Variants in ADCK1 observed in about 807,000 individuals in gnomAD.
ADCK1 encodes the protein aarF domain-containing protein kinase 1.
ADCK1 carries 41 observed loss-of-function variants against 52.3 expected under a neutral mutation model. The ratio of observed to expected loss-of-function variants is 0.78; its 90% CI spans 0.61 to 1.02. ADCK1 has a LOEUF of 1.02. Among genes scored for constraint, ADCK1 ranks in the 50% least tolerant of loss-of-function variants. ADCK1 has a pLI of 0.00. For missense variants in ADCK1, 658 were observed against 679.5 expected (o/e 0.97, Z 0.35); for synonymous variants, 250 against 274.6 (o/e 0.91, Z 0.89).
intron 7 of ADCK1, among the ~76,000 whole-genome samples, chr14:77,913,897 G>T (rs2083855497): frequency 6.7e-6 from 1 of 150,014 alleles, no homozygotes; most frequent in African/African-American, 2.5e-5. Flanking sequence ...TCATTATGTG[G>T]ACTTAGGTTC....
chr14:77,815,795 G>A (rs964486449), intron 1 of ADCK1, among the ~76,000 whole-genome samples: 1 of 147,962 alleles, frequency 6.8e-6, no homozygotes, highest in Admixed American at 6.8e-5. Context: ...GGGATTACAG[G>A]TGTGAGCCAC....
chr14:77,815,192 G>A (rs1036533308), intron 1 of ADCK1, among the ~76,000 whole-genome samples: 2 of 121,814 alleles, frequency 1.6e-5, no homozygotes, highest in Non-Finnish European at 3.4e-5. Flanking sequence ...TTAAAATTTT[G>A]TTTTGTCTTT....
intron 7 of ADCK1, among the ~76,000 whole-genome samples, chr14:77,910,210 G>A (rs1436082809): frequency 6.6e-6 from 1 of 152,174 alleles, no homozygotes; most frequent in Admixed American, 6.5e-5. Context: ...CAATGCGTGA[G>A]CTGCCTATTG....
rs374158105 is a variant in ADCK1, at chr14:77,844,141, T to C, written c.220-14935T>C. On this transcript the variant is annotated intron_variant, in intron 3 of 10. Coordinates refer to ENST00000238561, the MANE Select transcript of ADCK1 (RefSeq NM_020421.4). ...GGAGTGCAGTGATGTGATCTCCCCT[T>C]ACTGCAACCTCTGCCTGGAGGTTCA... Among the ~76,000 whole-genome samples, 11 of 152,100 alleles carry C rather than the reference T, an allele frequency of 7.2e-5. No homozygotes were observed. The East Asian group carries it at 1.3e-3, about 19-fold the overall frequency.
intron 3 of ADCK1, among the ~76,000 whole-genome samples, chr14:77,857,737 C>G (rs1038488497): frequency 6.6e-6 from 1 of 152,170 alleles, no homozygotes; most frequent in Non-Finnish European, 1.5e-5. Flanking sequence ...TATTTAACTC[C>G]TCGCATGATT....
rs755812312 is a variant in ADCK1, at chr14:77,899,199, A to T, written c.682A>T (p.Asn228Tyr). The T allele has an allele frequency of 6.2e-7, 1 of 1,614,080 alleles. No homozygotes were observed. The highest frequency in any genetic ancestry group is 1.1e-5 in the South Asian group (1 of 91,066). Residue 228 changes from asparagine to tyrosine, a missense_variant, in exon 6 of 11, where the codon AAT (asparagine) becomes TAT (tyrosine). Asn to Tyr is a moderately radical substitution (Grantham distance 143). Transcript: ENST00000238561. ...KNLPLELDFL[N>Y]EGRNAEKVSQ... is the part of the protein sequence containing the mutation. ...CCTGCCTTTGGAGCTGGATTTCCTC[A>T]ATGAAGGGAGGAATGCTGAGAAGGT...
chr14:77,817,236 T>C (rs1456144957), intron 1 of ADCK1, among the ~76,000 whole-genome samples: 1 of 152,162 alleles, frequency 6.6e-6, no homozygotes, highest in Admixed American at 6.5e-5. Flanking sequence ...AGCAAGACCC[T>C]GTTTCAGAGA....
intron 3 of ADCK1, among the ~76,000 whole-genome samples, chr14:77,851,892 A>G (rs891871994): frequency 2.6e-5 from 4 of 152,098 alleles, no homozygotes; most frequent in Admixed American, 6.5e-5. Flanking sequence ...ATTTACTCAT[A>G]AAGTTGCTAT....
chr14:77,879,130 C>T (rs1025946656), intron 4 of ADCK1, among the ~76,000 whole-genome samples: 9 of 152,158 alleles, frequency 5.9e-5, no homozygotes, highest in Admixed American at 1.3e-4. Flanking sequence ...GGTGTTTCAG[C>T]TCCCCTGGAT....
chr14:77,909,464 T>C (rs1210564369), intron 7 of ADCK1, among the ~76,000 whole-genome samples: 2 of 152,246 alleles, frequency 1.3e-5, no homozygotes, highest in East Asian at 3.9e-4. Flanking sequence ...CCACTCCCCA[T>C]GTCCACAGGC....
chr14:77,837,624 C>T (rs989104435), intron 3 of ADCK1, among the ~76,000 whole-genome samples: 19 of 152,308 alleles, frequency 1.2e-4, no homozygotes, highest in East Asian at 5.8e-4. Context: ...CTCTACTCCC[C>T]GGCTCACTAA....
At chr14:77,825,248 G>A (rs894193594) in intron 3 of ADCK1, among the ~76,000 whole-genome samples, 1 of 152,210 alleles carries the variant, frequency 6.6e-6, no homozygotes, top group Non-Finnish European at 1.5e-5. Flanking sequence ...GTAGGCCTGT[G>A]TTGATTTAAT....
In ADCK1 at chr14:77,907,823, C is replaced by T. The variant is rs200683533; in HGVS notation, c.762C>T (p.Asp254=). 3.1e-6 allele frequency: 5 copies of T among 1,614,044 alleles called. No homozygotes were observed. The East Asian group carries it at 1.1e-4, about 36-fold the overall frequency. The stretch of plus-strand genomic sequence containing the variant: ...CCCAGGTCCCCCGAATCCACTGGGA[C>T]CTGTCCACGGAGCGGGTCCTCCTGA... The part of the protein sequence containing the change: ...DFLKVPRIHW[D]LSTERVLLME... The change falls in exon 7 of 11, where the codon GAC becomes GAT. Residue 254 remains aspartate (D), a synonymous_variant. Transcript: ENST00000238561.
intron 8 of ADCK1, among the ~76,000 whole-genome samples, chr14:77,925,250 A>C (rs1479019837): frequency 6.6e-6 from 1 of 152,232 alleles, no homozygotes; most frequent in Non-Finnish European, 1.5e-5. Flanking sequence ...TGGCCCCAAA[A>C]TGATGGCCCA....
chr14:77,889,886 T>TAA (rs10683624), intron 5 of ADCK1, among the ~76,000 whole-genome samples: 12,948 of 123,056 alleles, frequency 0.11, 908 homozygotes, highest in African/African-American at 0.15. Flanking sequence ...TATATAGAGT[T>TAA]AAAAAAAAAA....
chr14:77,855,084 T>G (rs1455484546), intron 3 of ADCK1, among the ~76,000 whole-genome samples: 1 of 152,248 alleles, frequency 6.6e-6, no homozygotes, highest in Non-Finnish European at 1.5e-5. Context: ...CTTGTCCACA[T>G]TTTCCTGCTT....
At position 77,925,832 on chromosome 14, in the gene ADCK1, G is replaced by C. The variant is rs1204464881; in HGVS notation, c.1077G>C (p.Lys359Asn). ...LWQSLIWTDMKRVKEYSQRLG... is the reference protein window; with the variant it reads ...LWQSLIWTDMNRVKEYSQRLG... Reference sequence around the variant, plus strand: ...AGTCTCTGATCTGGACTGACATGAAGAGAGTGAAGGAGTACAGCCAGCGAC... The same window carrying C: ...AGTCTCTGATCTGGACTGACATGAACAGAGTGAAGGAGTACAGCCAGCGAC... Residue 359 changes from lysine (K) to asparagine (N), a missense_variant, in exon 9 of 11, where the codon AAG (lysine) becomes AAC (asparagine). Physicochemically the swap from Lys to Asn is moderately conservative, Grantham distance 94 (BLOSUM62 0). Coordinates refer to ENST00000238561, the MANE Select transcript of ADCK1 (RefSeq NM_020421.4). 6.2e-7 allele frequency: 1 copy of C among 1,614,226 alleles called. No individual in the cohort carries two copies. The highest frequency in any genetic ancestry group is 1.1e-5 in the South Asian group (1 of 91,084).
intron 1 of ADCK1, among the ~76,000 whole-genome samples, chr14:77,811,529 G>A (rs939613155): frequency 1.3e-5 from 2 of 152,182 alleles, no homozygotes; most frequent in African/African-American, 4.8e-5. Flanking sequence ...TCCTTGCCTA[G>A]GTGCAGTGGC....
chr14:77,888,346 A>T (rs565485624), intron 5 of ADCK1, among the ~76,000 whole-genome samples: 1 of 152,158 alleles, frequency 6.6e-6, no homozygotes, highest in Non-Finnish European at 1.5e-5. Flanking sequence ...GGGGGTTTGT[A>T]TTCCAAGCTA....
Sources: gnomAD v4.1 joint callset for allele counts (sites outside exome capture counted in the v4.1 genomes callset) on GRCh38, gnomAD v4.1.1 for gene constraint, MANE v1.5 for transcripts, NCBI Gene and HGNC (gene_info 2026-07-23, HGNC 2026-07-21) for gene names.